Variants in KLB observed in about 807,000 individuals in gnomAD.
KLB encodes the protein klotho beta.
KLB carries 44 observed loss-of-function variants against 88.4 expected under a neutral mutation model. That is an observed-to-expected ratio of 0.50 (90% CI 0.39 to 0.64). The LOEUF (loss-of-function observed/expected upper bound fraction) is 0.64. Among genes scored for constraint, KLB ranks in the 30% least tolerant of loss-of-function variants. KLB has a pLI of 0.00. For missense variants in KLB, 1,137 were observed against 1,304.8 expected (o/e 0.87, Z 1.98); for synonymous variants, 548 against 513.4 (o/e 1.07, Z -0.91).
intron 1 of KLB, among the ~76,000 whole-genome samples, chr4:39,413,431 G>T (rs370958903): frequency 6.6e-6 from 1 of 152,034 alleles, no homozygotes; most frequent in Non-Finnish European, 1.5e-5. Context: ...TTGCCAAAGC[G>T]GGGCAGAGTT....
chr4:39,441,126 G>T (rs28710977), intron 3 of KLB, among the ~76,000 whole-genome samples: 1,799 of 152,284 alleles, frequency 0.012, 40 homozygotes, highest in African/African-American at 0.04. Flanking sequence ...AAAGTGCTGG[G>T]ATTACAGGTG....
In KLB at chr4:39,448,872, G is replaced by A; in HGVS notation, c.*186G>A. On this transcript the variant is annotated 3_prime_UTR_variant, in exon 5 of 5. Coordinates refer to ENST00000257408, the MANE Select transcript of KLB (RefSeq NM_175737.4). ...TTAGGTGTTGACATCAGTGAACTCA[G>A]TTCTTGGATGTAAACATAAAGGCTT... 3.5e-6 allele frequency: 2 copies of A among 578,518 alleles called. No individual in the cohort carries two copies. Among genetic ancestry groups the A allele is most frequent in the Admixed American group, 3.2e-5 (1 of 31,636 alleles). The allele number at this position is 578,518 out of a possible 1,614,324, so 35.8% of individuals were successfully genotyped here.
rs559113067 is a variant in KLB, at chr4:39,412,769, T to A, written c.825+4995T>A. Among the ~76,000 whole-genome samples, 467 of 152,316 alleles carry A rather than the reference T, an allele frequency of 3.1e-3. 2 individuals are homozygous for A. Among genetic ancestry groups the A allele is most frequent in the African/African-American group, 0.01 (424 of 41,574 alleles). ...GTTCTTTCAAAGGAGAGACAATTTT[T>A]AAATTTGCCTTTATGTTCTCAGCAC... is the stretch of plus-strand genomic sequence containing the variant. On this transcript the variant is annotated intron_variant, in intron 1 of 4. Transcript: ENST00000257408.
chr4:39,407,021 A>G lies in KLB; in HGVS notation c.72A>G (p.Thr24=), dbSNP rs766396121. 3 of 1,614,022 alleles carry G rather than the reference A, an allele frequency of 1.9e-6. No individual in the cohort carries two copies. In the South Asian group the frequency reaches 3.3e-5, roughly 18 times the overall value. Residue 24 remains threonine, a synonymous_variant, in exon 1 of 5, where the codon ACA becomes ACG. Transcript: ENST00000257408. The part of the protein sequence containing the change: ...WIFFSTDEIT[T]RYRNTMSNGG... ...TCTTCAGCACTGATGAAATAACCAC[A>G]CGCTATAGGAATACAATGTCCAACG... is the stretch of plus-strand genomic sequence containing the variant.
chr4:39,439,725 T>C (rs1487563352), intron 3 of KLB, among the ~76,000 whole-genome samples: 5 of 151,012 alleles, frequency 3.3e-5, no homozygotes, highest in Non-Finnish European at 5.9e-5. Context: ...TGGAGTGCAA[T>C]GGTGCAATCT....
At position 39,447,471 on chromosome 4, in the gene KLB, G is replaced by C. The variant is rs559948829; in HGVS notation, c.2745G>C (p.Leu915=). 6.4e-7 allele frequency: 1 copy of C among 1,570,462 alleles called. No homozygotes were observed. Among genetic ancestry groups the C allele is most frequent in the Admixed American group, 1.8e-5 (1 of 56,246 alleles). ...YYLGKYLQEV[L]KAYLIDKVRI... Reference sequence around the variant, plus strand: ...TAGGGAAGTACCTTCAGGAGGTGCTGAAAGGTAAGGGCGGGGCCCCTTCAG... The same window carrying C: ...TAGGGAAGTACCTTCAGGAGGTGCTCAAAGGTAAGGGCGGGGCCCCTTCAG... Residue 915 remains leucine (L), a synonymous_variant, in exon 4 of 5, where the codon CTG becomes CTC. Transcript: ENST00000257408.
intron 1 of KLB, among the ~76,000 whole-genome samples, chr4:39,411,504 A>G (rs1742846912): frequency 7.1e-6 from 1 of 140,814 alleles, no homozygotes; most frequent in Non-Finnish European, 1.5e-5. Context: ...TAGAATGAGG[A>G]TGTATTTTTT....
At chr4:39,448,165 CAAAA>C in intron 4 of KLB, 132 bp from the exon 5 acceptor site, 1 of 618,092 alleles carries the variant, frequency 1.6e-6, no homozygotes, top group Non-Finnish European at 2.7e-6. Context: ...GAATAAATGT[CAAAA>C]AAAACCCTCT....
Position 39,445,311 on chromosome 4 carries a change from C to T in KLB, c.1606-1021C>T, listed in dbSNP as rs898767654. ...AACAGGAGTCCAGGGCTCTCTCCTT[C>T]GTGGAGAGACACAGAATGAGACTCT... On this transcript the variant is annotated intron_variant, in intron 3 of 4. Coordinates refer to ENST00000257408, the MANE Select transcript of KLB (RefSeq NM_175737.4). 3.9e-5 allele frequency among the ~76,000 whole-genome samples: 6 copies of T among 152,088 alleles called. No individual in the cohort carries two copies. The South Asian group carries it at 1.2e-3, about 32-fold the overall frequency.
intron 1 of KLB, among the ~76,000 whole-genome samples, chr4:39,424,501 G>A (rs77021034): frequency 6.6e-5 from 10 of 151,770 alleles, no homozygotes; most frequent in Admixed American, 3.3e-4. Flanking sequence ...TTCTAGGGAC[G>A]TAGGTAAGCA....
chr4:39,407,299 A>G lies in KLB; in HGVS notation c.350A>G (p.His117Arg). Residue 117 changes from histidine (H) to arginine (R), a missense_variant, in exon 1 of 5, where the codon CAC becomes CGC. His to Arg is a conservative substitution (Grantham distance 29, BLOSUM62 0). Transcript: ENST00000257408. ...PSIWDHFIHTHLKNVSSTNGS... is the reference protein window; with the variant it reads ...PSIWDHFIHTRLKNVSSTNGS... ...ATATGGGATCATTTCATCCACACACACCTTAAAAATGTCAGCAGCACGAAT... is the reference window on the plus strand; with the variant it reads ...ATATGGGATCATTTCATCCACACACGCCTTAAAAATGTCAGCAGCACGAAT... The G allele has an allele frequency of 6.2e-7, 1 of 1,614,046 alleles. No individual in the cohort carries two copies. Among genetic ancestry groups the G allele is most frequent in the Non-Finnish European group, 8.5e-7 (1 of 1,179,966 alleles).
chr4:39,415,502 T>G (rs1742946836), intron 1 of KLB, among the ~76,000 whole-genome samples: 1 of 152,004 alleles, frequency 6.6e-6, no homozygotes, highest in Non-Finnish European at 1.5e-5. Flanking sequence ...TCTAAAAAAA[T>G]AAAAAATAAA....
In KLB at chr4:39,446,461, TTTG is replaced by T. The variant is rs776761244; in HGVS notation, c.1737_1739del (p.Phe579_Val580delinsLeu). 2.5e-6 allele frequency: 4 copies of T among 1,614,188 alleles called. No homozygotes were observed. Among genetic ancestry groups the T allele is most frequent in the South Asian group, 1.1e-5 (1 of 91,080 alleles). ...AACACGACCCGCTCAATGCACAGAT[TTTG>T]TAAACATCAAAAAACAACTTGAGAT... On this transcript the variant is annotated inframe_deletion, in exon 4 of 5. Transcript: ENST00000257408. This position sits in a 1 kb window ranked among gnomAD's most constrained non-coding sequence, Gnocchi z 6.4.
At chr4:39,428,115 G>A (rs1743260019) in intron 1 of KLB, among the ~76,000 whole-genome samples, 1 of 152,116 alleles carries the variant, frequency 6.6e-6, no homozygotes, top group South Asian at 2.1e-4. Context: ...AGCGATTTGG[G>A]AATATTTAAA....
chr4:39,437,680 A>G lies in KLB; in HGVS notation c.1337-47A>G, dbSNP rs772627613. 9 of 1,538,162 alleles carry G rather than the reference A, an allele frequency of 5.9e-6. No homozygotes were observed. In the South Asian group the frequency reaches 1.0e-4, roughly 17 times the overall value. ...GTTAGTGAAATTGTAAACATGAACT[A>G]GAATGTTTAGGCCTCTGAACATCTC... is the stretch of plus-strand genomic sequence containing the variant. On this transcript the variant is annotated intron_variant, in intron 2 of 4. Transcript: ENST00000257408.
chr4:39,435,079 T>C (rs1049744448), intron 2 of KLB, among the ~76,000 whole-genome samples: 1 of 152,056 alleles, frequency 6.6e-6, no homozygotes, highest in African/African-American at 2.4e-5. Context: ...AGTGCTGGGA[T>C]TACAGGCATG....
chr4:39,449,178 T>G lies in KLB; in HGVS notation c.*492T>G, dbSNP rs929458096. ...TGTCTCTACTAAAAATACAAAAAAT[T>G]AGCCAGGCGTGGTGACAGTGGCACC... On this transcript the variant is annotated 3_prime_UTR_variant, in exon 5 of 5. Coordinates refer to ENST00000257408, the MANE Select transcript of KLB (RefSeq NM_175737.4). The G allele has an allele frequency of 6.6e-6, 1 of 152,596 alleles. No individual in the cohort carries two copies. Among genetic ancestry groups the G allele is most frequent in the African/African-American group, 2.4e-5 (1 of 41,322 alleles). The allele number at this position is 152,596 out of a possible 1,614,324, so 9.5% of individuals were successfully genotyped here. A position where few individuals can be genotyped will look rare whatever the true frequency, so the allele number is the denominator to read the frequency against.
rs201033295 is a variant in KLB, at chr4:39,447,266, T to C, written c.2540T>C (p.Ile847Thr). The change falls in exon 4 of 5, where the codon ATC becomes ACC. Residue 847 changes from isoleucine to threonine, a missense_variant. This residue lies in a region of KLB where 426 missense variants were observed against 404.6 expected (regional missense o/e 1.05). Transcript: ENST00000257408. ...AGSRYDSDRDIQFLQDITRLS... is the reference protein window; with the variant it reads ...AGSRYDSDRDTQFLQDITRLS... ...AGCCGCTACGACTCGGACAGGGACA[T>C]CCAGTTTCTGCAGGACATCACCCGC... 5 of 1,613,964 alleles carry C rather than the reference T, an allele frequency of 3.1e-6. No homozygotes were observed. Among genetic ancestry groups the C allele is most frequent in the Non-Finnish European group, 8.5e-7 (1 of 1,180,024 alleles).
chr4:39,435,286 T>C (rs1743449713), intron 2 of KLB, among the ~76,000 whole-genome samples: 2 of 149,788 alleles, frequency 1.3e-5, no homozygotes, highest in Non-Finnish European at 3.0e-5. Flanking sequence ...CCCAGCTAAT[T>C]TTTTATATTT....
Sources: allele counts gnomAD v4.1 joint callset (sites outside exome capture counted in the v4.1 genomes callset), GRCh38; gene constraint gnomAD v4.1.1; regional missense constraint gnomAD v4.1.1; non-coding constraint Gnocchi (gnomAD v3.1); transcripts MANE v1.5; gene names NCBI Gene and HGNC (gene_info 2026-07-23, HGNC 2026-07-21).